Variants in FMO4 observed in about 807,000 individuals in gnomAD.
FMO4 encodes the protein dimethylaniline monooxygenase [N-oxide-forming] 4.
A neutral mutation model predicts 43.3 loss-of-function variants in FMO4; 38 were observed. The observed-to-expected ratio is 0.88, with a 90% confidence interval of 0.68 to 1.15. FMO4 has a LOEUF of 1.15. Ranked by LOEUF, FMO4 falls within the 50% of genes most tolerant of loss-of-function variation. FMO4 has a pLI of 0.00. For missense variants in FMO4, 631 were observed against 663.3 expected, an observed-to-expected ratio of 0.95 and a Z score of 0.54; for synonymous variants, 224 against 232.2, an observed-to-expected ratio of 0.96 and a Z score of 0.32.
Position 171,324,170 on chromosome 1 carries a change from C to T in FMO4, c.354C>T (p.Asp118=). ...TTVCSITKRP[D]FSETGQWDVV... ...TGTGCAGCATAACGAAGCGTCCAGA[C>T]TTCTCCGAAACTGGTCAGTGGGATG... The change falls in exon 5 of 10, where the codon GAC becomes GAT. Residue 118 remains aspartate (D), a synonymous_variant. Transcript: ENST00000367749. 1 of 1,613,452 alleles carries T rather than the reference C, an allele frequency of 6.2e-7. No individual in the cohort carries two copies. The highest frequency in any genetic ancestry group is 1.7e-5 in the Admixed American group (1 of 59,894).
Position 171,341,406 on chromosome 1 carries a change from C to T in FMO4, c.1251-7C>T. 1.9e-6 allele frequency: 3 copies of T among 1,601,574 alleles called. No homozygotes were observed. The highest frequency in any genetic ancestry group is 1.1e-5 in the South Asian group (1 of 89,796). ...AATGAAAGGTCCTCCCTCTTTTTTC[C>T]TCTCAGGGGAGTGTTTAAAGACACC... On this transcript the variant is annotated splice_region_variant and splice_polypyrimidine_tract_variant and intron_variant, in intron 9 of 9. Coordinates refer to ENST00000367749, the MANE Select transcript of FMO4 (RefSeq NM_002022.3).
At chr1:171,326,685 A>G (rs540760451) in intron 5 of FMO4, among the ~76,000 whole-genome samples, 38 of 152,330 alleles carry the variant, frequency 2.5e-4, no homozygotes, top group African/African-American at 7.7e-4. Flanking sequence ...AGCATATAGC[A>G]TTGTCAGGGT....
chr1:171,319,124 G>C (rs1243662021), intron 2 of FMO4, among the ~76,000 whole-genome samples: 1 of 152,158 alleles, frequency 6.6e-6, no homozygotes, highest in East Asian at 1.9e-4. Flanking sequence ...GGAAGAATCA[G>C]GTCACATGGA....
intron 2 of FMO4, among the ~76,000 whole-genome samples, chr1:171,319,529 T>C (rs1207150201): frequency 6.6e-6 from 1 of 152,188 alleles, no homozygotes. Flanking sequence ...CAGTATTTCC[T>C]TGCCTCCTGT....
intron 6 of FMO4, 35 bp from the exon 7 acceptor site, chr1:171,332,674 T>G (rs752797387): frequency 1.3e-6 from 2 of 1,557,854 alleles, no homozygotes; most frequent in African/African-American, 2.7e-5. Context: ...ATGATGAACA[T>G]TTATTTATCC....
At chr1:171,317,818 T>C (rs1662256966) in intron 2 of FMO4, among the ~76,000 whole-genome samples, 1 of 152,198 alleles carries the variant, frequency 6.6e-6, no homozygotes, top group Admixed American at 6.5e-5. Flanking sequence ...TGGCAAGGCA[T>C]GACCGTGACC....
chr1:171,319,429 T>C (rs1030832756), intron 2 of FMO4, among the ~76,000 whole-genome samples: 3 of 152,086 alleles, frequency 2.0e-5, no homozygotes, highest in Non-Finnish European at 4.4e-5. Flanking sequence ...AACATTGGGG[T>C]GCAAAAACAG....
At chr1:171,331,585 G>C in intron 5 of FMO4, 55 bp from the exon 6 acceptor site, 1 of 1,568,124 alleles carries the variant, frequency 6.4e-7, no homozygotes, top group Non-Finnish European at 8.8e-7. Flanking sequence ...TCCCTGCGTA[G>C]TGAGAAATTA....
At chr1:171,334,147 G>T (rs1375741779) in intron 7 of FMO4, among the ~76,000 whole-genome samples, 10 of 152,184 alleles carry the variant, frequency 6.6e-5, no homozygotes, top group Admixed American at 6.5e-4. Flanking sequence ...CATTGCTCCA[G>T]AAATTAGTTC....
chr1:171,336,781 T>C (rs1474450173), intron 8 of FMO4, among the ~76,000 whole-genome samples: 4 of 152,072 alleles, frequency 2.6e-5, no homozygotes, highest in African/African-American at 9.7e-5. Flanking sequence ...ATTTTTATTT[T>C]TTGTAGAAAG....
intron 5 of FMO4, among the ~76,000 whole-genome samples, chr1:171,331,017 A>T (rs1210743705): frequency 6.6e-6 from 1 of 152,218 alleles, no homozygotes; most frequent in Non-Finnish European, 1.5e-5. Context: ...TCACTAGAAT[A>T]ATTACTTCAT....
chr1:171,335,039 T>C (rs552833260), intron 8 of FMO4, among the ~76,000 whole-genome samples: 2 of 152,356 alleles, frequency 1.3e-5, no homozygotes, highest in East Asian at 3.9e-4. Flanking sequence ...CATGATCCTG[T>C]TCTAGCCTAG....
chr1:171,315,870 G>T (rs1306838077), intron 1 of FMO4, among the ~76,000 whole-genome samples: 1 of 152,136 alleles, frequency 6.6e-6, no homozygotes, highest in African/African-American at 2.4e-5. Flanking sequence ...TAATAAACAG[G>T]CCAGGAGAGT....
chr1:171,319,585 G>A lies in FMO4; in HGVS notation c.-8-233G>A, dbSNP rs554638988. ...TTCACATTTTACAGGTGAGAAAACT[G>A]AGTCCTAGACAGGATAGTTAGCCCA... On this transcript the variant is annotated intron_variant, in intron 2 of 9. Transcript: ENST00000367749. Among the ~76,000 whole-genome samples the A allele has an allele frequency of 2.0e-5, 3 of 152,226 alleles. No homozygotes were observed. In the East Asian group the frequency reaches 5.8e-4, roughly 29 times the overall value.
At chr1:171,315,681 G>T (rs1174789337) in intron 1 of FMO4, among the ~76,000 whole-genome samples, 1 of 152,146 alleles carries the variant, frequency 6.6e-6, no homozygotes, top group Admixed American at 6.5e-5. Flanking sequence ...AATTTAAAAA[G>T]GTTGCTCCCA....
rs1571389296 is a variant in FMO4 at position 171,319,906 on chromosome 1, G to A, written c.81G>A (p.Glu27=). 2 of 1,613,896 alleles carry A rather than the reference G, an allele frequency of 1.2e-6. No homozygotes were observed. The highest frequency in any genetic ancestry group is 1.7e-6 in the Non-Finnish European group (2 of 1,179,836). Residue 27 remains glutamate, a synonymous_variant, in exon 3 of 10, where the codon GAG becomes GAA. Transcript: ENST00000367749. ...SIKCCVDEDL[E]PTCFERSDDI... is the part of the protein sequence containing the mutation. ...AATGCTGTGTGGATGAGGACCTGGAGCCCACCTGCTTTGAGAGAAGTGATG... is the reference window on the plus strand; with the variant it reads ...AATGCTGTGTGGATGAGGACCTGGAACCCACCTGCTTTGAGAGAAGTGATG...
chr1:171,332,422 T>TA (rs1287818556), intron 6 of FMO4, among the ~76,000 whole-genome samples: 1 of 152,190 alleles, frequency 6.6e-6, no homozygotes, highest in Non-Finnish European at 1.5e-5. Context: ...TGCTTACATG[T>TA]AAAAAATTGC....
At chr1:171,336,417 G>T (rs1663117272) in intron 8 of FMO4, among the ~76,000 whole-genome samples, 1 of 152,134 alleles carries the variant, frequency 6.6e-6, no homozygotes, top group African/African-American at 2.4e-5. Context: ...ATAAGGTTTA[G>T]AATTCAGAAA....
chr1:171,320,618 AGGATTGGTGCT>A (rs1325461559), intron 3 of FMO4, among the ~76,000 whole-genome samples: 1 of 152,184 alleles, frequency 6.6e-6, no homozygotes, highest in Non-Finnish European at 1.5e-5. Flanking sequence ...GCCTCTGGTC[AGGATTGGTGCT>A]GGTTACTGGA....
Sources: allele counts gnomAD v4.1 joint callset (sites outside exome capture counted in the v4.1 genomes callset), GRCh38; gene constraint gnomAD v4.1.1; transcripts MANE v1.5; gene names NCBI Gene and HGNC (gene_info 2026-07-23, HGNC 2026-07-21).